The following UBE2H variants were observed in gnomAD, a reference collection of about 807,000 sequenced individuals.
UBE2H encodes ubiquitin conjugating enzyme E2 H.
A neutral mutation model predicts 29.0 loss-of-function variants in UBE2H; 3 were observed. That is an observed-to-expected ratio of 0.10 (90% CI 0.05 to 0.27). The LOEUF is 0.27. Among genes scored for constraint, UBE2H ranks in the 10% least tolerant of loss-of-function variants. UBE2H has a pLI of 1.00. For missense variants in UBE2H, 68 were observed against 228.2 expected, an observed-to-expected ratio of 0.30 and a Z score of 4.52; for synonymous variants, 69 against 82.9, an observed-to-expected ratio of 0.83 and a Z score of 0.91.
chr7:129,893,582 G>A (rs1806543246), intron 1 of UBE2H, among the ~76,000 whole-genome samples: 1 of 152,192 alleles, frequency 6.6e-6, no homozygotes, highest in Non-Finnish European at 1.5e-5. Flanking sequence ...ACCATCTTGA[G>A]AGCAAGGAAA....
chr7:129,917,330 A>C (rs1807065025), intron 1 of UBE2H, among the ~76,000 whole-genome samples: 1 of 152,244 alleles, frequency 6.6e-6, no homozygotes, highest in Non-Finnish European at 1.5e-5. Context: ...CCAAGGTGTT[A>C]ACATGCATTA....
At chr7:129,874,185 AT>A in intron 3 of UBE2H, among the ~76,000 whole-genome samples, 1 of 152,238 alleles carries the variant, frequency 6.6e-6, no homozygotes, top group Admixed American at 6.5e-5. Context: ...TTTATCTGGA[AT>A]GCTAGTGTTT....
At chr7:129,920,269 A>G (rs930695129) in intron 1 of UBE2H, among the ~76,000 whole-genome samples, 2 of 152,214 alleles carry the variant, frequency 1.3e-5, no homozygotes, top group Non-Finnish European at 2.9e-5. Context: ...TATTTTGGGT[A>G]TCAATGTAAA....
intron 1 of UBE2H, among the ~76,000 whole-genome samples, chr7:129,914,210 C>T (rs1806998239): frequency 6.6e-6 from 1 of 152,008 alleles, no homozygotes; most frequent in African/African-American, 2.4e-5. Context: ...CTCTGTTGCC[C>T]AGGCTGGAGT....
chr7:129,944,709 G>A (rs948528207), intron 1 of UBE2H, among the ~76,000 whole-genome samples: 6 of 127,436 alleles, frequency 4.7e-5, no homozygotes, highest in African/African-American at 8.8e-5. Flanking sequence ...GTGCGCATGC[G>A]CTCAAAACAC....
chr7:129,871,713 C>CAAAAAAAAAA (rs369901584), intron 3 of UBE2H, among the ~76,000 whole-genome samples: 3 of 124,402 alleles, frequency 2.4e-5, no homozygotes, highest in African/African-American at 8.9e-5. Flanking sequence ...GACTCTGTAT[C>CAAAAAAAAAA]AAAAAAAAAA....
At chr7:129,882,326 C>T (rs1416891123) in intron 1 of UBE2H, among the ~76,000 whole-genome samples, 1 of 152,150 alleles carries the variant, frequency 6.6e-6, no homozygotes, top group Non-Finnish European at 1.5e-5. Context: ...ATAGATTGGT[C>T]TCATATTTCT....
chr7:129,946,999 A>G (rs1807778128), intron 1 of UBE2H, among the ~76,000 whole-genome samples: 1 of 152,006 alleles, frequency 6.6e-6, no homozygotes, highest in South Asian at 2.1e-4. Flanking sequence ...GTTTAAATAT[A>G]TCTATAAAAT....
intron 1 of UBE2H, among the ~76,000 whole-genome samples, chr7:129,895,760 G>A (rs1806588370): frequency 6.6e-6 from 1 of 151,862 alleles, no homozygotes. Flanking sequence ...AATTAGCCGG[G>A]TGCCTGTAGT....
intron 6 of UBE2H, among the ~76,000 whole-genome samples, chr7:129,837,452 G>C (rs890509603): frequency 3.3e-5 from 5 of 151,936 alleles, no homozygotes; most frequent in Non-Finnish European, 4.4e-5. Context: ...ATTAAGCAGA[G>C]GAGGGGAAAA....
chr7:129,909,458 C>T (rs1806886154), intron 1 of UBE2H, among the ~76,000 whole-genome samples: 1 of 152,100 alleles, frequency 6.6e-6, no homozygotes, highest in Non-Finnish European at 1.5e-5. Context: ...GGTTCAGAGC[C>T]CCAGGTTTGC....
intron 3 of UBE2H, among the ~76,000 whole-genome samples, chr7:129,864,841 C>G (rs1041110955): frequency 2.0e-5 from 3 of 152,050 alleles, no homozygotes; most frequent in Non-Finnish European, 4.4e-5. Flanking sequence ...AGTGAGCCAC[C>G]GTGCCCGGCC....
chr7:129,943,343 T>C (rs1807686197), intron 1 of UBE2H, among the ~76,000 whole-genome samples: 1 of 152,222 alleles, frequency 6.6e-6, no homozygotes, highest in African/African-American at 2.4e-5. Flanking sequence ...TAATTTTTTA[T>C]CTGTTTTGGT....
chr7:129,874,778 G>A (rs559138486), intron 3 of UBE2H, among the ~76,000 whole-genome samples: 1 of 152,208 alleles, frequency 6.6e-6, no homozygotes, highest in South Asian at 2.1e-4. Context: ...AAAAGAAAAA[G>A]GTGAGAAGTA....
At chr7:129,930,457 T>C (rs1217055091) in intron 1 of UBE2H, among the ~76,000 whole-genome samples, 1 of 148,150 alleles carries the variant, frequency 6.7e-6, no homozygotes, top group African/African-American at 2.5e-5. Flanking sequence ...AGCCACCTCA[T>C]GCGGTCTACA....
chr7:129,846,103 A>C (rs1476771695), intron 5 of UBE2H, among the ~76,000 whole-genome samples: 3 of 152,174 alleles, frequency 2.0e-5, no homozygotes, highest in Non-Finnish European at 2.9e-5. Flanking sequence ...GCAGGGCTTG[A>C]AGGAGAAAAC....
At chr7:129,947,208 G>A (rs1443643288) in intron 1 of UBE2H, among the ~76,000 whole-genome samples, 1 of 152,202 alleles carries the variant, frequency 6.6e-6, no homozygotes, top group African/African-American at 2.4e-5. Context: ...AGCTGTGAAT[G>A]CTTACTCATG....
At chr7:129,935,881 A>C (rs1807518109) in intron 1 of UBE2H, among the ~76,000 whole-genome samples, 1 of 152,192 alleles carries the variant, frequency 6.6e-6, no homozygotes. Flanking sequence ...CTGAAGCGGT[A>C]CAGTCAAGCA....
At chr7:129,849,688 C>T in intron 5 of UBE2H, among the ~76,000 whole-genome samples, 1 of 152,140 alleles carries the variant, frequency 6.6e-6, no homozygotes, top group African/African-American at 2.4e-5. Context: ...CTGAAGCAAC[C>T]CACCAGACTT....
Sources: gnomAD v4.1 joint callset for allele counts (sites outside exome capture counted in the v4.1 genomes callset) on GRCh38, gnomAD v4.1.1 for gene constraint, MANE v1.5 for transcripts, NCBI Gene and HGNC (gene_info 2026-07-23, HGNC 2026-07-21) for gene names.